Variants in STOX2 observed in about 807,000 individuals in gnomAD.
The protein encoded by STOX2 is storkhead-box protein 2.
STOX2 carries 28 observed loss-of-function variants against 60.9 expected under a neutral mutation model. The observed-to-expected ratio is 0.46, with a 90% CI of 0.34 to 0.63. The LOEUF (loss-of-function observed/expected upper bound fraction) is 0.63, where lower values mean the gene tolerates loss of function less well. Ranked by LOEUF, STOX2 falls within the 30% of genes least tolerant of loss-of-function variation. The pLI, the probability that STOX2 is intolerant of heterozygous loss-of-function variation, is 0.01. For missense variants in STOX2, 1,024 were observed against 1,187.7 expected, an observed-to-expected ratio of 0.86 and a Z score of 2.03; for synonymous variants, 472 against 463.9, an observed-to-expected ratio of 1.02 and a Z score of -0.22.
In STOX2 at chr4:183,859,193, G is replaced by C. The variant is rs573549509; in HGVS notation, c.364+61138G>C. On this transcript the variant is annotated intron_variant, in intron 1 of 2. Transcript: ENST00000513034. ...GTGCCTTGCTCATCGCTGTGCCCCT[G>C]CTCTGGCCCATTCTCTCTCTCCCTC... Among the ~76,000 whole-genome samples, 3 of 152,290 alleles carry C rather than the reference G, an allele frequency of 2.0e-5. No individual in the cohort carries two copies. In the South Asian group the frequency reaches 6.2e-4, roughly 32 times the overall value.
intron 1 of STOX2, among the ~76,000 whole-genome samples, chr4:183,980,346 T>C (rs1293129368): frequency 6.6e-6 from 1 of 152,134 alleles, no homozygotes; most frequent in African/African-American, 2.4e-5. Flanking sequence ...CCAGCGAATA[T>C]TGGATTGTTT....
At chr4:184,004,946 A>T (rs940659140) in intron 2 of STOX2, among the ~76,000 whole-genome samples, 6 of 152,204 alleles carry the variant, frequency 3.9e-5, no homozygotes, top group African/African-American at 1.4e-4. Flanking sequence ...GCTGAACTTG[A>T]CTTTAGAGAT....
At chr4:183,800,363 T>A (rs1445179043) in intron 1 of STOX2, among the ~76,000 whole-genome samples, 1 of 152,200 alleles carries the variant, frequency 6.6e-6, no homozygotes, top group African/African-American at 2.4e-5. Flanking sequence ...AACTCTGCTC[T>A]GAAAAGCGTG....
intron 1 of STOX2, among the ~76,000 whole-genome samples, chr4:183,846,989 G>A (rs971445049): frequency 1.3e-5 from 2 of 152,098 alleles, no homozygotes; most frequent in East Asian, 1.9e-4. Context: ...TGCCTTCTTT[G>A]TCATGTATGT....
chr4:183,877,918 G>A (rs1428467652), intron 1 of STOX2, among the ~76,000 whole-genome samples: 1 of 151,978 alleles, frequency 6.6e-6, no homozygotes, highest in Non-Finnish European at 1.5e-5. Flanking sequence ...TTGAACTCTT[G>A]ACCCCAAGTA....
chr4:183,843,626 T>C (rs1739920403), intron 1 of STOX2, among the ~76,000 whole-genome samples: 1 of 152,250 alleles, frequency 6.6e-6, no homozygotes, highest in South Asian at 2.1e-4. Flanking sequence ...GTGGCTGTGT[T>C]CCAGTAAAGC....
intron 1 of STOX2, chr4:183,853,732 G>A (rs1454176857): frequency 6.6e-6 from 1 of 152,188 alleles, no homozygotes; most frequent in African/African-American, 2.4e-5. Flanking sequence ...AAAGGAAATC[G>A]AGAGAATAAA....
At chr4:183,833,855 G>A (rs1333536829) in intron 1 of STOX2, among the ~76,000 whole-genome samples, 2 of 151,268 alleles carry the variant, frequency 1.3e-5, no homozygotes, top group East Asian at 1.9e-4. Flanking sequence ...GGTGGCAGGC[G>A]CCTGTAGTCC....
intron 1 of STOX2, among the ~76,000 whole-genome samples, chr4:183,810,032 C>T (rs1738999917): frequency 6.6e-6 from 1 of 152,178 alleles, no homozygotes; most frequent in South Asian, 2.1e-4. Context: ...GCATAACTCT[C>T]GAATGTTCAC....
At chr4:183,842,270 C>T (rs532584184) in intron 1 of STOX2, among the ~76,000 whole-genome samples, 2 of 152,246 alleles carry the variant, frequency 1.3e-5, no homozygotes, top group Non-Finnish European at 2.9e-5. Context: ...TAGTTCCATA[C>T]GACGTGGCTA....
At chr4:183,993,337 C>T (rs973171019) in intron 1 of STOX2, among the ~76,000 whole-genome samples, 1 of 152,214 alleles carries the variant, frequency 6.6e-6, no homozygotes. Context: ...TGGCATTAGA[C>T]AGACTGGTCA....
chr4:184,011,364 C>A lies in STOX2; in HGVS notation c.2526C>A (p.Ala842=), dbSNP rs1401894566. ...GCAACCAGAGAGCCACCCATTCAGCCCGGCTCGACAGCATGGACAGCAGCA... is the reference window on the plus strand; with the variant it reads ...GCAACCAGAGAGCCACCCATTCAGCACGGCTCGACAGCATGGACAGCAGCA... The part of the protein sequence containing the change: ...SSSNQRATHS[A]RLDSMDSSSI... Residue 842 remains alanine, a synonymous_variant, in exon 3 of 4, where the codon GCC becomes GCA. Transcript: ENST00000308497. This position sits in a 1 kb window ranked among gnomAD's most constrained non-coding sequence, Gnocchi z 4.4. 1.4e-5 allele frequency: 22 copies of A among 1,613,918 alleles called. No homozygotes were observed. The highest frequency in any genetic ancestry group is 1.8e-5 in the Non-Finnish European group (21 of 1,179,874).
intron 1 of STOX2, among the ~76,000 whole-genome samples, chr4:183,846,129 A>G (rs1739984301): frequency 1.3e-5 from 2 of 152,164 alleles, no homozygotes; most frequent in Non-Finnish European, 2.9e-5. Context: ...ATGTCATCCT[A>G]TTGCCTTCTG....
intron 1 of STOX2, among the ~76,000 whole-genome samples, chr4:183,907,269 T>G (rs1295272849): frequency 6.6e-6 from 1 of 152,224 alleles, no homozygotes; most frequent in Non-Finnish European, 1.5e-5. Flanking sequence ...TGGAGGATCC[T>G]GCGCCCAGGG....
rs1741634820 is a variant in STOX2, at chr4:183,906,936, C to T, written c.146C>T (p.Ser49Leu). ...CCCGCGGCCTTCGCGCCCCAGGCTT[C>T]GCGGGGCTACATGACATCAGGTTGG... ...RFPAAFAPQASRGYMTSGDVS... is the reference protein window; with the variant it reads ...RFPAAFAPQALRGYMTSGDVS... The change falls in exon 1 of 4, where the codon TCG becomes TTG. Residue 49 changes from serine to leucine, a missense_variant. Physicochemically the swap from Ser to Leu is moderately radical, Grantham distance 145 (BLOSUM62 -2). Around this residue, in one of 3 missense-constraint regions of STOX2, gnomAD observed 98 missense variants for 110.2 expected, o/e 0.89. Coordinates refer to ENST00000308497, the MANE Select transcript of STOX2 (RefSeq NM_020225.3). 2 of 1,547,990 alleles carry T rather than the reference C, an allele frequency of 1.3e-6. No individual in the cohort carries two copies. The highest frequency in any genetic ancestry group is 1.7e-6 in the Non-Finnish European group (2 of 1,144,862).
intron 1 of STOX2, among the ~76,000 whole-genome samples, chr4:183,946,311 G>C (rs1742885411): frequency 6.6e-6 from 1 of 152,176 alleles, no homozygotes; most frequent in Non-Finnish European, 1.5e-5. Context: ...CACAGTGACT[G>C]TTGTCAGGAG....
At chr4:183,875,807 G>T (rs1297702765) in intron 1 of STOX2, among the ~76,000 whole-genome samples, 5 of 152,154 alleles carry the variant, frequency 3.3e-5, no homozygotes, top group Non-Finnish European at 7.4e-5. Context: ...AGCCTTGACC[G>T]CCCAGGCTCA....
At chr4:183,928,220 G>T (rs983879615) in intron 1 of STOX2, among the ~76,000 whole-genome samples, 18 of 5,134 alleles carry the variant, frequency 3.5e-3, no homozygotes, top group African/African-American at 7.4e-3. Context: ...GGAGCCCTCG[G>T]GGGGGGGCAT....
At chr4:183,837,778 A>G (rs922118136) in intron 1 of STOX2, among the ~76,000 whole-genome samples, 5 of 152,144 alleles carry the variant, frequency 3.3e-5, no homozygotes, top group Non-Finnish European at 7.3e-5. Context: ...GTTGTAGCAC[A>G]TATTAAAATT....
Sources: allele counts gnomAD v4.1 joint callset (sites outside exome capture counted in the v4.1 genomes callset), GRCh38; gene constraint gnomAD v4.1.1; regional missense constraint gnomAD v4.1.1; non-coding constraint Gnocchi (gnomAD v3.1); transcripts MANE v1.5; gene names NCBI Gene and HGNC (gene_info 2026-07-23, HGNC 2026-07-21).